USP32: variants seen among roughly 807,000 people sequenced by gnomAD.
USP32 encodes the protein ubiquitin specific peptidase 32.
USP32 carries 59 observed loss-of-function variants against 204.8 expected under a neutral mutation model. The ratio of observed to expected loss-of-function variants is 0.29; its 90% CI spans 0.23 to 0.36. The LOEUF (loss-of-function observed/expected upper bound fraction) is 0.36. Among genes scored for constraint, USP32 ranks in the 10% least tolerant of loss-of-function variants. The pLI is 1.00. For synonymous variants in USP32, 517 were observed against 678.4 expected, an observed-to-expected ratio of 0.76 and a Z score of 3.70; for missense variants, 1,160 against 1,946.4, an observed-to-expected ratio of 0.60 and a Z score of 7.60.
intron 27 of USP32, among the ~76,000 whole-genome samples, chr17:60,195,360 C>T (rs2084487903): frequency 1.3e-5 from 2 of 152,232 alleles, no homozygotes; most frequent in Admixed American, 6.6e-5. Context: ...TCTTTTGAGA[C>T]AGAGTCTTGC....
chr17:60,392,210 C>G (rs769660216), upstream of USP32: 30 of 503,916 alleles, frequency 6.0e-5, no homozygotes, highest in Middle Eastern at 1.6e-3. Flanking sequence ...CTCTCCTTCC[C>G]TCCTCACGCC....
At chr17:60,382,185 T>C (rs895781706) in intron 1 of USP32, among the ~76,000 whole-genome samples, 12 of 152,254 alleles carry the variant, frequency 7.9e-5, no homozygotes, top group African/African-American at 2.9e-4. Flanking sequence ...CAGATCCTTA[T>C]CTGTCAAAAC....
At chr17:60,391,854 C>A (rs759875673) in intron 1 of USP32, 28 bp downstream of exon 1, 5 of 1,599,346 alleles carry the variant, frequency 3.1e-6, no homozygotes, top group South Asian at 2.2e-5. Context: ...GCCTCCCAGG[C>A]AGCTCGCCCA....
At chr17:60,238,803 CAAAAAA>C (rs562875704) in intron 11 of USP32, among the ~76,000 whole-genome samples, 2 of 95,764 alleles carry the variant, frequency 2.1e-5, no homozygotes, top group Admixed American at 1.2e-4. Context: ...GACTCCATCT[CAAAAAA>C]AAAAAAAAAA....
At chr17:60,229,785 T>C (rs2085494698) in intron 12 of USP32, among the ~76,000 whole-genome samples, 1 of 152,234 alleles carries the variant, frequency 6.6e-6, no homozygotes, top group Non-Finnish European at 1.5e-5. Context: ...ATTCCATTTA[T>C]ATAAAGTTGA....
chr17:60,330,959 G>T (rs904197601), intron 2 of USP32, among the ~76,000 whole-genome samples: 1 of 152,082 alleles, frequency 6.6e-6, no homozygotes, highest in East Asian at 1.9e-4. Context: ...AACTGTACTT[G>T]TAACTTTTCC....
At chr17:60,264,435 A>G (rs1404909709) in intron 9 of USP32, among the ~76,000 whole-genome samples, 1 of 151,804 alleles carries the variant, frequency 6.6e-6, no homozygotes, top group Non-Finnish European at 1.5e-5. Flanking sequence ...GGATTGCTTG[A>G]ACCCAGGAGG....
chr17:60,388,995 A>C (rs1159136852), intron 1 of USP32, among the ~76,000 whole-genome samples: 1 of 152,132 alleles, frequency 6.6e-6, no homozygotes, highest in East Asian at 1.9e-4. Flanking sequence ...ATTTTTTTAA[A>C]TACTACCTGT....
At chr17:60,385,851 A>AG (rs1477182584) in intron 1 of USP32, among the ~76,000 whole-genome samples, 2 of 151,718 alleles carry the variant, frequency 1.3e-5, no homozygotes, top group Non-Finnish European at 2.9e-5. Context: ...AAAAAAAAAA[A>AG]GAAAAAGATA....
At chr17:60,181,169 T>C (rs2084101364) in intron 32 of USP32, among the ~76,000 whole-genome samples, 155 bp downstream of exon 32, 1 of 152,136 alleles carries the variant, frequency 6.6e-6, no homozygotes, top group African/African-American at 2.4e-5. Flanking sequence ...TCACCACACC[T>C]GGGCAGGCCA....
intron 9 of USP32, among the ~76,000 whole-genome samples, chr17:60,256,121 T>C (rs754532413): frequency 1.3e-5 from 2 of 151,994 alleles, no homozygotes; most frequent in Non-Finnish European, 2.9e-5. Context: ...AGAGGATCGC[T>C]TGAGCCCAGG....
rs186238349 is a variant in USP32, at chr17:60,376,140, G to A, written c.58+15742C>T. The stretch of plus-strand genomic sequence containing the variant: ...GGCTCACTACAGCCTCAAATTTCTG[G>A]ACTCAAGAAATCCTCCAGTCTAAGC... On this transcript the variant is annotated intron_variant, in intron 1 of 33. Coordinates refer to ENST00000300896, the MANE Select transcript of USP32 (RefSeq NM_032582.4). Among the ~76,000 whole-genome samples the A allele has an allele frequency of 2.3e-3, 354 of 152,022 alleles. 2 individuals are homozygous for A. Among genetic ancestry groups the A allele is most frequent in the African/African-American group, 8.2e-3 (342 of 41,474 alleles).
intron 2 of USP32, among the ~76,000 whole-genome samples, chr17:60,311,271 C>A (rs1041446048): frequency 1.3e-5 from 2 of 152,000 alleles, no homozygotes; most frequent in Non-Finnish European, 2.9e-5. Flanking sequence ...TATTATGCAA[C>A]CCTAAAGGAA....
At chr17:60,301,729 C>T (rs764890697) in intron 2 of USP32, 25 bp from the exon 3 acceptor site, 1 of 1,504,256 alleles carries the variant, frequency 6.6e-7, no homozygotes, top group South Asian at 1.2e-5. Flanking sequence ...TAAAGCCAAC[C>T]TTAGGAGGCA....
At chr17:60,181,793 A>G (rs1213072491) in intron 31 of USP32, 45 bp from the exon 32 acceptor site, 1 of 1,573,458 alleles carries the variant, frequency 6.4e-7, no homozygotes, top group Non-Finnish European at 8.6e-7. Context: ...CAAATGCCAC[A>G]AAGTAAGCCA....
chr17:60,316,378 G>T (rs1051523042), intron 2 of USP32, among the ~76,000 whole-genome samples: 2 of 152,070 alleles, frequency 1.3e-5, no homozygotes, highest in African/African-American at 4.8e-5. Flanking sequence ...CGGAAATCAG[G>T]TATAGGGAGT....
At position 60,265,487 on chromosome 17, in the gene USP32, C is replaced by A. The variant is rs1195912333; in HGVS notation, c.928-13G>T. ...CCATATGTAATTCCTTTAAAAATAA[C>A]CCAAAGGAGTAATTAGAAAACAGTG... On this transcript the variant is annotated splice_polypyrimidine_tract_variant and intron_variant, in intron 8 of 33. Transcript: ENST00000300896. The A allele has an allele frequency of 6.5e-7, 1 of 1,532,068 alleles. No individual in the cohort carries two copies. Among genetic ancestry groups the A allele is most frequent in the Non-Finnish European group, 9.0e-7 (1 of 1,112,462 alleles). The allele number at this position is 1,532,068 out of a possible 1,614,324, so 94.9% of individuals were successfully genotyped here. A position where few individuals can be genotyped will look rare whatever the true frequency, so the allele number is the denominator to read the frequency against.
intron 1 of USP32, among the ~76,000 whole-genome samples, chr17:60,413,348 A>G (rs777879677): frequency 6.6e-6 from 1 of 152,192 alleles, no homozygotes; most frequent in Non-Finnish European, 1.5e-5. Flanking sequence ...CCAAACAAGG[A>G]GAGCTGGCAG....
At chr17:60,404,705 T>A (rs1015801086) in intron 1 of USP32, among the ~76,000 whole-genome samples, 2 of 152,206 alleles carry the variant, frequency 1.3e-5, no homozygotes, top group Non-Finnish European at 2.9e-5. Context: ...ATTAGCTGCC[T>A]TGAAGAACCA....
Sources: allele counts gnomAD v4.1 joint callset (sites outside exome capture counted in the v4.1 genomes callset), GRCh38; gene constraint gnomAD v4.1.1; transcripts MANE v1.5; gene names NCBI Gene and HGNC (gene_info 2026-07-23, HGNC 2026-07-21).